Variants in NOL4 observed in about 807,000 individuals in gnomAD.
NOL4 encodes the protein cancer/testis antigen 125.
In NOL4, 17 loss-of-function variants were observed where a neutral mutation model predicts 75.9. The observed-to-expected ratio is 0.22, with a 90% CI of 0.15 to 0.34. The LOEUF (loss-of-function observed/expected upper bound fraction) is 0.34, where lower values mean the gene tolerates loss of function less well. Among genes scored for constraint, NOL4 ranks in the 10% least tolerant of loss-of-function variants. The pLI is 1.00. For missense variants in NOL4, 614 were observed against 793.5 expected, an observed-to-expected ratio of 0.77 and a Z score of 2.72; for synonymous variants, 292 against 289.9, an observed-to-expected ratio of 1.01 and a Z score of -0.07.
intron 1 of NOL4, among the ~76,000 whole-genome samples, chr18:34,188,129 G>A (rs1172349633): frequency 6.6e-6 from 1 of 152,140 alleles, no homozygotes; most frequent in Non-Finnish European, 1.5e-5. Context: ...GTTAATTACA[G>A]GCGTTTTAAG....
intron 8 of NOL4, among the ~76,000 whole-genome samples, chr18:33,947,534 A>G (rs947701618): frequency 6.6e-5 from 10 of 151,824 alleles, no homozygotes; most frequent in African/African-American, 2.4e-4. Context: ...GCTGAAGATA[A>G]CTCAGTAAAT....
chr18:33,863,068 A>G (rs982841140), intron 10 of NOL4, among the ~76,000 whole-genome samples: 2 of 152,342 alleles, frequency 1.3e-5, no homozygotes, highest in African/African-American at 4.8e-5. Flanking sequence ...TGGCACATAT[A>G]CACCATGGAA....
intron 1 of NOL4, among the ~76,000 whole-genome samples, chr18:34,167,681 A>C (rs536790360): frequency 2.0e-3 from 305 of 152,176 alleles, no homozygotes; most frequent in Middle Eastern, 3.4e-3. Flanking sequence ...ATTAAAATTT[A>C]AATAAATGCT....
At chr18:33,874,271 A>G (rs2063831347) in intron 10 of NOL4, among the ~76,000 whole-genome samples, 1 of 151,954 alleles carries the variant, frequency 6.6e-6, no homozygotes, top group Non-Finnish European at 1.5e-5. Context: ...CTAGAAAGGC[A>G]GCAAAAGAAA....
chr18:33,943,031 C>T, intron 9 of NOL4, 34 bp downstream of exon 9: 1 of 1,342,150 alleles, frequency 7.5e-7, no homozygotes, highest in Non-Finnish European at 1.1e-6. Flanking sequence ...TTTGCTATAG[C>T]TGGTGTTCAC....
Position 34,159,912 on chromosome 18 carries a change from AGTGGG to A in NOL4, c.265-29897_265-29893del, listed in dbSNP as rs199641372. Among the ~76,000 whole-genome samples, 1,239 of 151,910 alleles carry A rather than the reference AGTGGG, an allele frequency of 8.2e-3. 6 individuals are homozygous for A. Among genetic ancestry groups the A allele is most frequent in the South Asian group, 0.018 (87 of 4,802 alleles). ...AGCGGGAGAGGGATGCGGGGAGGGG[AGTGGG>A]GTGGGGTGGAGTTGTCAGCTGGCCA... On this transcript the variant is annotated intron_variant, in intron 1 of 10. Transcript: ENST00000261592.
intron 5 of NOL4, among the ~76,000 whole-genome samples, chr18:34,056,308 A>G (rs2076831341): frequency 6.6e-6 from 1 of 152,162 alleles, no homozygotes; most frequent in African/African-American, 2.4e-5. Flanking sequence ...CAATGAGCCT[A>G]GCTATATGTT....
chr18:34,082,721 A>C (rs2078067242), intron 5 of NOL4, among the ~76,000 whole-genome samples: 1 of 152,152 alleles, frequency 6.6e-6, no homozygotes, highest in East Asian at 1.9e-4. Context: ...CTATGCTGAT[A>C]ACCTGATTTC....
intron 10 of NOL4, among the ~76,000 whole-genome samples, chr18:33,874,552 A>G (rs2063843135): frequency 6.6e-6 from 1 of 151,966 alleles, no homozygotes; most frequent in African/African-American, 2.4e-5. Flanking sequence ...CTAATCATCA[A>G]GATTCAAATA....
chr18:34,115,957 T>C (rs2079837102), intron 2 of NOL4, among the ~76,000 whole-genome samples: 1 of 152,120 alleles, frequency 6.6e-6, no homozygotes, highest in African/African-American at 2.4e-5. Flanking sequence ...CCTTAATTCA[T>C]TTGAGTATTG....
intron 1 of NOL4, among the ~76,000 whole-genome samples, chr18:34,163,628 G>A (rs1435229186): frequency 6.6e-6 from 1 of 152,146 alleles, no homozygotes; most frequent in Non-Finnish European, 1.5e-5. Flanking sequence ...ATGCTCATGG[G>A]TAGGAAGAAT....
At chr18:34,199,070 A>G (rs923907958) in intron 1 of NOL4, among the ~76,000 whole-genome samples, 3 of 151,832 alleles carry the variant, frequency 2.0e-5, no homozygotes, top group Non-Finnish European at 4.4e-5. Flanking sequence ...AAATCAACAT[A>G]AGTGAGGGAC....
At chr18:33,985,423 A>C (rs989759064) in intron 6 of NOL4, among the ~76,000 whole-genome samples, 1 of 152,178 alleles carries the variant, frequency 6.6e-6, no homozygotes, top group African/African-American at 2.4e-5. Context: ...AATGTTATCA[A>C]GTATTTCACA....
chr18:34,032,936 A>G (rs1470036408), intron 5 of NOL4, among the ~76,000 whole-genome samples: 1 of 152,166 alleles, frequency 6.6e-6, no homozygotes, highest in Non-Finnish European at 1.5e-5. Context: ...AAAATCACAG[A>G]TACTACTGAT....
intron 5 of NOL4, among the ~76,000 whole-genome samples, chr18:34,020,867 G>C (rs952060594): frequency 3.9e-5 from 6 of 151,962 alleles, no homozygotes; most frequent in Admixed American, 3.9e-4. Context: ...TGATGGAAAA[G>C]GTATTAAATT....
At chr18:34,007,457 T>C (rs1392104927) in intron 6 of NOL4, among the ~76,000 whole-genome samples, 1 of 151,886 alleles carries the variant, frequency 6.6e-6, no homozygotes, top group Non-Finnish European at 1.5e-5. Context: ...GAATACAGAA[T>C]GGGTAATAGA....
intron 2 of NOL4, among the ~76,000 whole-genome samples, chr18:34,123,893 A>T (rs868551660): frequency 6.6e-6 from 1 of 151,820 alleles, no homozygotes. Context: ...TAAACTCTCT[A>T]AGGTAAACTA....
chr18:34,075,395 G>A (rs1367127888), intron 5 of NOL4, among the ~76,000 whole-genome samples: 1 of 152,076 alleles, frequency 6.6e-6, no homozygotes, highest in Non-Finnish European at 1.5e-5. Context: ...AATATATATT[G>A]CCACTGAATA....
chr18:34,106,324 T>C (rs2079277024), intron 2 of NOL4, among the ~76,000 whole-genome samples: 1 of 152,024 alleles, frequency 6.6e-6, no homozygotes. Context: ...AGATCCAAAA[T>C]TGTAAAGCTC....
Sources: gnomAD v4.1 joint callset for allele counts (sites outside exome capture counted in the v4.1 genomes callset) on GRCh38, gnomAD v4.1.1 for gene constraint, MANE v1.5 for transcripts, NCBI Gene and HGNC (gene_info 2026-07-23, HGNC 2026-07-21) for gene names.